The following NME7 variants were observed in gnomAD, a reference collection of about 807,000 sequenced individuals.
NME7 encodes NME/NM23 family member 7.
Under a neutral mutation model 49.1 loss-of-function variants are expected in NME7, and 41 were observed. The ratio of observed to expected loss-of-function variants is 0.83; its 90% CI spans 0.65 to 1.08. NME7 has a LOEUF of 1.08. NME7 is among the 50% of genes least tolerant of loss of function. The pLI is 0.00. For missense variants in NME7, 423 were observed against 463.4 expected, an observed-to-expected ratio of 0.91 and a Z score of 0.80; for synonymous variants, 139 against 150.6, an observed-to-expected ratio of 0.92 and a Z score of 0.56.
chr1:169,342,638 A>AG lies in NME7; in HGVS notation c.4-18139_4-18138insC, dbSNP rs1243620418. Among the ~76,000 whole-genome samples the AG allele has an allele frequency of 1.1e-3, 51 of 47,902 alleles. 7 individuals are homozygous for AG. The highest frequency in any genetic ancestry group is 4.5e-3 in the African/African-American group (48 of 10,756). 31.4% of individuals were successfully genotyped at this position (47,902 alleles called of 152,430 possible). ...ATATATACAAGTACATATATATAGTATATATATATACAAGTACATATATAT... is the reference window on the plus strand; with the variant it reads ...ATATATACAAGTACATATATATAGTAGTATATATATACAAGTACATATATAT... On this transcript the variant is annotated intron_variant, in intron 1 of 11. Transcript: ENST00000367811.
At chr1:169,183,516 C>A (rs1659980477) in intron 10 of NME7, among the ~76,000 whole-genome samples, 1 of 152,082 alleles carries the variant, frequency 6.6e-6, no homozygotes, top group Admixed American at 6.5e-5. Flanking sequence ...TTAAGAAAAG[C>A]CCTGGCCGGG....
chr1:169,213,816 AAAAT>A (rs910422485), intron 10 of NME7, among the ~76,000 whole-genome samples: 17 of 148,614 alleles, frequency 1.1e-4, no homozygotes, highest in Non-Finnish European at 1.5e-4. Flanking sequence ...ATATAAAAAT[AAAAT>A]AAATAAATAA....
At chr1:169,308,827 T>C (rs1651278576) in intron 4 of NME7, among the ~76,000 whole-genome samples, 1 of 152,166 alleles carries the variant, frequency 6.6e-6, no homozygotes, top group African/African-American at 2.4e-5. Context: ...AGAAAATATC[T>C]GGTCAAACAG....
chr1:169,359,248 G>A (rs1444392331), intron 1 of NME7, among the ~76,000 whole-genome samples: 1 of 150,018 alleles, frequency 6.7e-6, no homozygotes, highest in East Asian at 1.9e-4. Context: ...ATAGTGCTTT[G>A]TTTTTATTTG....
At chr1:169,283,246 T>C (rs929748759) in intron 7 of NME7, among the ~76,000 whole-genome samples, 1 of 152,216 alleles carries the variant, frequency 6.6e-6, no homozygotes, top group Non-Finnish European at 1.5e-5. Context: ...AAAGTCTGTT[T>C]TATCAGAGAT....
At chr1:169,279,806 A>G (rs1649928076) in intron 7 of NME7, among the ~76,000 whole-genome samples, 1 of 152,204 alleles carries the variant, frequency 6.6e-6, no homozygotes, top group Non-Finnish European at 1.5e-5. Context: ...TGTAGACTGG[A>G]GCTGTTCCTA....
At chr1:169,307,632 G>A (rs74121612) in intron 4 of NME7, among the ~76,000 whole-genome samples, 3,186 of 152,254 alleles carry the variant, frequency 0.021, 114 homozygotes, top group African/African-American at 0.073. Flanking sequence ...CTTTACCACA[G>A]GAAGTTAGAT....
chr1:169,306,678 T>C (rs549509922), intron 4 of NME7, among the ~76,000 whole-genome samples: 1 of 152,194 alleles, frequency 6.6e-6, no homozygotes, highest in East Asian at 1.9e-4. Flanking sequence ...TGGTAGGTGA[T>C]CATATGGACA....
rs190524467 is a variant in NME7, at chr1:169,149,881, G to T, written c.1099-17064C>A. 1.1e-4 allele frequency among the ~76,000 whole-genome samples: 17 copies of T among 152,308 alleles called. 1 individual carries two copies. The South Asian group carries it at 1.5e-3, about 13-fold the overall frequency. ...ATGGAAAGCAAAACTGTGGATAAGG[G>T]GAGATTACTGTGATACTGACTTATT... On this transcript the variant is annotated intron_variant, in intron 11 of 11. Transcript: ENST00000367811.
intron 1 of NME7, among the ~76,000 whole-genome samples, chr1:169,331,894 G>A (rs1208604469): frequency 6.6e-6 from 1 of 151,266 alleles, no homozygotes; most frequent in East Asian, 1.9e-4. Flanking sequence ...ACTACCTAAA[G>A]CAATCTACAG....
At chr1:169,247,138 A>C (rs1035021768) in intron 7 of NME7, 80 of 454,718 alleles carry the variant, frequency 1.8e-4, no homozygotes, top group African/African-American at 1.4e-3. Context: ...TCACAGTTTT[A>C]AAACAAGGAC....
At chr1:169,213,029 C>T (rs1056140838) in intron 10 of NME7, among the ~76,000 whole-genome samples, 15 of 151,850 alleles carry the variant, frequency 9.9e-5, no homozygotes, top group African/African-American at 3.4e-4. Flanking sequence ...AGCATAGTGC[C>T]GAAGAGCTGT....
rs1165864285 is a variant in NME7, at chr1:169,163,534, G to C, written c.1098+5913C>G. ...AAGGAGAAAACTAAATGCAATGCAT[G>C]GTCCTGACCTGGATCCTTTTGCTAG... On this transcript the variant is annotated intron_variant, in intron 11 of 11. Coordinates refer to ENST00000367811, the MANE Select transcript of NME7 (RefSeq NM_013330.5). Among the ~76,000 whole-genome samples, 4 of 152,228 alleles carry C rather than the reference G, an allele frequency of 2.6e-5. No individual in the cohort carries two copies. In the East Asian group the frequency reaches 7.7e-4, roughly 29 times the overall value.
At chr1:169,204,175 G>A (rs950319111) in intron 10 of NME7, among the ~76,000 whole-genome samples, 6 of 151,774 alleles carry the variant, frequency 4.0e-5, no homozygotes, top group African/African-American at 1.4e-4. Flanking sequence ...AGCTTTTAAG[G>A]TTTCTCTGGG....
chr1:169,216,713 C>T (rs1284333845), intron 10 of NME7, among the ~76,000 whole-genome samples: 1 of 152,168 alleles, frequency 6.6e-6, no homozygotes, highest in African/African-American at 2.4e-5. Context: ...GAATTGAACC[C>T]TCAACCTATG....
chr1:169,189,138 A>T (rs114373032), intron 10 of NME7, among the ~76,000 whole-genome samples: 97 of 152,314 alleles, frequency 6.4e-4, no homozygotes, highest in African/African-American at 2.3e-3. Flanking sequence ...TAAATTTTAT[A>T]AATGGCCTTA....
intron 10 of NME7, among the ~76,000 whole-genome samples, chr1:169,220,746 C>T (rs1300167996): frequency 6.6e-6 from 1 of 152,060 alleles, no homozygotes; most frequent in Non-Finnish European, 1.5e-5. Flanking sequence ...TTAATACTTT[C>T]CTGAAAATGT....
chr1:169,164,834 T>C (rs1659362018), intron 11 of NME7, among the ~76,000 whole-genome samples: 1 of 152,216 alleles, frequency 6.6e-6, no homozygotes, highest in South Asian at 2.1e-4. Flanking sequence ...ACAAAAGTTA[T>C]AGAAATATTC....
intron 7 of NME7, among the ~76,000 whole-genome samples, chr1:169,260,509 T>C (rs1247993077): frequency 7.6e-6 from 1 of 132,188 alleles, no homozygotes; most frequent in Non-Finnish European, 1.8e-5. Context: ...AAACATATCT[T>C]GATAAAGTAA....
Sources: allele counts gnomAD v4.1 joint callset (sites outside exome capture counted in the v4.1 genomes callset), GRCh38; gene constraint gnomAD v4.1.1; transcripts MANE v1.5; gene names NCBI Gene and HGNC (gene_info 2026-07-23, HGNC 2026-07-21).